EPHA3: variants seen among roughly 807,000 people sequenced by gnomAD.
The protein encoded by EPHA3 is ephrin type-A receptor 3.
In EPHA3, 42 loss-of-function variants were observed where a neutral mutation model predicts 107.1. The observed-to-expected ratio is 0.39, with a 90% CI of 0.31 to 0.51. EPHA3 has a LOEUF of 0.51. Among genes scored for constraint, EPHA3 ranks in the 20% least tolerant of loss-of-function variants. The pLI is 0.78. For missense variants in EPHA3, 1,183 were observed against 1,211.2 expected, an observed-to-expected ratio of 0.98 and a Z score of 0.35; for synonymous variants, 461 against 424.8, an observed-to-expected ratio of 1.09 and a Z score of -1.05.
chr3:89,456,078 A>G (rs1376452273), intron 15 of EPHA3, among the ~76,000 whole-genome samples: 1 of 152,210 alleles, frequency 6.6e-6, no homozygotes, highest in Non-Finnish European at 1.5e-5. Flanking sequence ...TTTACATTTC[A>G]AAAGATGCAA....
At chr3:89,315,240 T>G (rs1427092222) in intron 3 of EPHA3, among the ~76,000 whole-genome samples, 1 of 151,880 alleles carries the variant, frequency 6.6e-6, no homozygotes, top group Non-Finnish European at 1.5e-5. Flanking sequence ...AATGTGTGTA[T>G]GCAAAATACT....
chr3:89,371,380 G>A (rs189443799), intron 5 of EPHA3, among the ~76,000 whole-genome samples: 12 of 151,558 alleles, frequency 7.9e-5, no homozygotes, highest in African/African-American at 2.7e-4. Flanking sequence ...AACTATCGTC[G>A]ACATTTTGGT....
intron 15 of EPHA3, among the ~76,000 whole-genome samples, chr3:89,469,627 G>A (rs1316130838): frequency 2.0e-5 from 3 of 152,120 alleles, no homozygotes; most frequent in South Asian, 4.1e-4. Flanking sequence ...CGCAGAGCTG[G>A]CACAGATTTG....
At chr3:89,188,514 T>G (rs145624122) in intron 2 of EPHA3, among the ~76,000 whole-genome samples, 1 of 152,214 alleles carries the variant, frequency 6.6e-6, no homozygotes, top group South Asian at 2.1e-4. Context: ...AAATGAAAAA[T>G]TCTAGAACTC....
chr3:89,228,551 A>G (rs1218728987), intron 3 of EPHA3, among the ~76,000 whole-genome samples: 1 of 151,978 alleles, frequency 6.6e-6, no homozygotes, highest in Non-Finnish European at 1.5e-5. Context: ...ATCATATGGT[A>G]TAAATTTGGA....
At chr3:89,473,134 C>T (rs1258918506) in intron 16 of EPHA3, among the ~76,000 whole-genome samples, 1 of 151,990 alleles carries the variant, frequency 6.6e-6, no homozygotes, top group Non-Finnish European at 1.5e-5. Context: ...TCATTGTCTA[C>T]CCTGTAAAGG....
intron 2 of EPHA3, among the ~76,000 whole-genome samples, chr3:89,188,942 AGT>A (rs1463114485): frequency 6.6e-6 from 1 of 152,154 alleles, no homozygotes; most frequent in Admixed American, 6.5e-5. Flanking sequence ...AGTTTTGAAA[AGT>A]GTATGGTTCA....
intron 3 of EPHA3, among the ~76,000 whole-genome samples, chr3:89,228,116 C>T (rs1445629412): frequency 6.6e-6 from 1 of 151,794 alleles, no homozygotes; most frequent in African/African-American, 2.4e-5. Context: ...GAAACGACTA[C>T]TCTGGTAGAC....
In EPHA3 at chr3:89,210,125, T is replaced by G; in HGVS notation, c.419T>G (p.Phe140Cys). ...DHGVKFREHQ[F>C]TKIDTIAADE... ...GGGGTGAAATTTCGAGAGCATCAGT[T>G]TACAAAGATTGACACCATTGCAGCT... The change falls in exon 3 of 17, where the codon TTT becomes TGT. Residue 140 changes from phenylalanine to cysteine, a missense_variant. Coordinates refer to ENST00000336596, the MANE Select transcript of EPHA3 (RefSeq NM_005233.6). 6.8e-6 allele frequency: 11 copies of G among 1,613,986 alleles called. No homozygotes were observed. The highest frequency in any genetic ancestry group is 8.5e-6 in the Non-Finnish European group (10 of 1,179,938).
chr3:89,126,839 A>G (rs556233896), intron 1 of EPHA3, among the ~76,000 whole-genome samples: 22 of 151,816 alleles, frequency 1.4e-4, no homozygotes, highest in Middle Eastern at 3.2e-3. Context: ...TCATATGTAA[A>G]TTTATCAAAT....
intron 13 of EPHA3, among the ~76,000 whole-genome samples, chr3:89,448,481 G>C (rs1287561084): frequency 2.0e-5 from 3 of 152,028 alleles, no homozygotes; most frequent in Non-Finnish European, 4.4e-5. Flanking sequence ...TTTATTAAAT[G>C]TATTTATTGA....
intron 3 of EPHA3, among the ~76,000 whole-genome samples, chr3:89,288,655 C>G (rs1373504090): frequency 1.3e-5 from 2 of 152,072 alleles, no homozygotes; most frequent in East Asian, 1.9e-4. Flanking sequence ...ATATTCCCAT[C>G]ATTAGTTTCA....
rs113122729 is a variant in EPHA3, at chr3:89,210,096, T to C, written c.390T>C (p.Asp130=). The C allele has an allele frequency of 2.0e-5, 33 of 1,614,028 alleles. No individual in the cohort carries two copies. The African/African-American group carries it at 3.1e-4, about 15-fold the overall frequency. The change falls in exon 3 of 17, where the codon GAT becomes GAC. Residue 130 remains aspartate, a synonymous_variant. Coordinates refer to ENST00000336596, the MANE Select transcript of EPHA3 (RefSeq NM_005233.6). ...FNLYYMESDD[D]HGVKFREHQF... ...TGTACTACATGGAGTCTGATGATGA[T>C]CATGGGGTGAAATTTCGAGAGCATC...
At chr3:89,317,085 C>T (rs1360609121) in intron 3 of EPHA3, among the ~76,000 whole-genome samples, 1 of 151,562 alleles carries the variant, frequency 6.6e-6, no homozygotes, top group Non-Finnish European at 1.5e-5. Flanking sequence ...CTTAACCAAA[C>T]GTTAAATTAT....
chr3:89,343,676 G>A (rs1241792574), intron 5 of EPHA3, among the ~76,000 whole-genome samples: 2 of 152,058 alleles, frequency 1.3e-5, no homozygotes, highest in African/African-American at 4.8e-5. Context: ...TTTGCTTCTG[G>A]TCTCATATAT....
At chr3:89,163,598 G>T (rs1477282969) in intron 2 of EPHA3, among the ~76,000 whole-genome samples, 1 of 152,070 alleles carries the variant, frequency 6.6e-6, no homozygotes, top group Non-Finnish European at 1.5e-5. Context: ...ATTGAAATGT[G>T]GGAATGAAAC....
At chr3:89,427,915 T>C (rs1395578374) in intron 11 of EPHA3, among the ~76,000 whole-genome samples, 1 of 151,992 alleles carries the variant, frequency 6.6e-6, no homozygotes, top group African/African-American at 2.4e-5. Flanking sequence ...GGTATTTTTC[T>C]TTTTAAAATG....
intron 2 of EPHA3, among the ~76,000 whole-genome samples, chr3:89,151,508 C>T (rs1704689578): frequency 6.6e-6 from 1 of 152,030 alleles, no homozygotes; most frequent in Admixed American, 6.6e-5. Context: ...AGAATGAGAG[C>T]TATGACTTAG....
chr3:89,413,904 A>G (rs946238673), intron 10 of EPHA3, among the ~76,000 whole-genome samples: 8 of 151,710 alleles, frequency 5.3e-5, no homozygotes, highest in African/African-American at 1.9e-4. Flanking sequence ...AAAATTTCAT[A>G]TATTTGTAAA....
Sources: allele counts gnomAD v4.1 joint callset (sites outside exome capture counted in the v4.1 genomes callset), GRCh38; gene constraint gnomAD v4.1.1; transcripts MANE v1.5; gene names NCBI Gene and HGNC (gene_info 2026-07-23, HGNC 2026-07-21).